Variants in PTPRD observed in about 807,000 individuals in gnomAD.
PTPRD encodes receptor-type tyrosine-protein phosphatase delta.
Under a neutral mutation model 214.5 loss-of-function variants are expected in PTPRD, and 34 were observed. The observed-to-expected ratio is 0.16, with a 90% CI of 0.12 to 0.21. The LOEUF is 0.21. Among genes scored for constraint, PTPRD ranks in the 10% least tolerant of loss-of-function variants. The probability of loss-of-function intolerance (pLI) is 1.00; values close to 1 mark genes in which losing one functional copy is unlikely to be tolerated. For missense variants in PTPRD, 2,545 were observed against 2,398.7 expected (o/e 1.06, Z -1.27); for synonymous variants, 1,128 against 845.7 (o/e 1.33, Z -5.79).
At chr9:10,525,421 A>C (rs2053940255) in intron 2 of PTPRD, among the ~76,000 whole-genome samples, 1 of 152,048 alleles carries the variant, frequency 6.6e-6, no homozygotes, top group Admixed American at 6.6e-5. Flanking sequence ...CAAGCCACCC[A>C]ATCATTATAT....
chr9:9,364,505 T>C (rs920871084), intron 9 of PTPRD, among the ~76,000 whole-genome samples: 15 of 151,416 alleles, frequency 9.9e-5, no homozygotes, highest in African/African-American at 3.1e-4. Flanking sequence ...AATTGTTGAA[T>C]GGTATGAGGC....
chr9:8,926,111 G>A (rs1048030059), intron 11 of PTPRD, among the ~76,000 whole-genome samples: 2 of 151,946 alleles, frequency 1.3e-5, no homozygotes, highest in African/African-American at 4.8e-5. Context: ...GCTTCTTGCA[G>A]GCCCTTAACA....
chr9:10,337,764 G>C (rs892053455), intron 3 of PTPRD, among the ~76,000 whole-genome samples: 1 of 151,634 alleles, frequency 6.6e-6, no homozygotes, highest in African/African-American at 2.4e-5. Flanking sequence ...TTTTACAGGT[G>C]CGGGAACTGA....
In PTPRD at chr9:9,456,749, T is replaced by C. The variant is rs2093061691; in HGVS notation, c.-236-59267A>G. On this transcript the variant is annotated intron_variant, in intron 8 of 45. Transcript: ENST00000381196. ...AAAATTAATAGGGTCATTTTATAGA[T>C]GGGGAGACTGAGAAATAAAGAGGTT... Among the ~76,000 whole-genome samples the C allele has an allele frequency of 2.0e-5, 3 of 151,880 alleles. No individual in the cohort carries two copies. In the South Asian group the frequency reaches 6.2e-4, roughly 31 times the overall value.
intron 8 of PTPRD, among the ~76,000 whole-genome samples, chr9:9,456,737 T>C (rs1330067146): frequency 6.6e-6 from 1 of 151,874 alleles, no homozygotes; most frequent in African/African-American, 2.4e-5. Context: ...ATTAATAGGG[T>C]CATTTTATAG....
At chr9:9,917,072 G>C (rs969802085) in intron 5 of PTPRD, among the ~76,000 whole-genome samples, 3 of 149,790 alleles carry the variant, frequency 2.0e-5, no homozygotes, top group African/African-American at 7.4e-5. Flanking sequence ...GTATTAAGAG[G>C]CAAGTATATA....
At chr9:9,904,268 A>AT (rs1235717600) in intron 5 of PTPRD, among the ~76,000 whole-genome samples, 1 of 152,082 alleles carries the variant, frequency 6.6e-6, no homozygotes, top group Non-Finnish European at 1.5e-5. Context: ...AGGAAGTCAG[A>AT]TGTTCGCTAA....
At chr9:10,247,408 C>G (rs1392841041) in intron 3 of PTPRD, among the ~76,000 whole-genome samples, 3 of 151,908 alleles carry the variant, frequency 2.0e-5, no homozygotes, top group Admixed American at 2.0e-4. Context: ...AAAATTAATC[C>G]CTAAACAATA....
intron 5 of PTPRD, among the ~76,000 whole-genome samples, chr9:9,921,017 A>T (rs1602200439): frequency 6.6e-6 from 1 of 152,076 alleles, no homozygotes; most frequent in Non-Finnish European, 1.5e-5. Flanking sequence ...TCAAGGCTCT[A>T]CCTTGCTTTC....
intron 33 of PTPRD, chr9:8,454,464 G>T (rs1423778039): frequency 1.0e-6 from 1 of 984,038 alleles, no homozygotes; most frequent in Non-Finnish European, 1.6e-6. Flanking sequence ...CATCTTCCAC[G>T]TGCCAGGTAT....
chr9:10,394,306 T>C (rs1447220831), intron 2 of PTPRD, among the ~76,000 whole-genome samples: 3 of 150,298 alleles, frequency 2.0e-5, no homozygotes, highest in South Asian at 2.1e-4. Context: ...CATACTTCTT[T>C]TGAAAACTTG....
At chr9:10,102,691 C>T (rs1210309170) in intron 3 of PTPRD, among the ~76,000 whole-genome samples, 3 of 151,504 alleles carry the variant, frequency 2.0e-5, no homozygotes, top group African/African-American at 7.3e-5. Context: ...GTAGCACTGT[C>T]TATCACTTTT....
rs1282278234 is a variant in PTPRD, at chr9:10,248,525, AAT to A, written c.-545+92436_-545+92437del. ...GGTACATATAGCAAAAAAAAAAAAA[AAT>A]AAAAAAAATAAAGCGAGAAACCAAA... On this transcript the variant is annotated intron_variant, in intron 3 of 45. Transcript: ENST00000381196. 2.5e-4 allele frequency among the ~76,000 whole-genome samples: 8 copies of A among 31,482 alleles called. 1 individual carries two copies. Among genetic ancestry groups the A allele is most frequent in the Non-Finnish European group, 5.5e-4 (4 of 7,232 alleles). 20.7% of individuals were successfully genotyped at this position (31,482 alleles called of 152,430 possible).
In PTPRD at chr9:9,972,605, A is replaced by G. The variant is rs537099821; in HGVS notation, c.-471-33995T>C. On this transcript the variant is annotated intron_variant, in intron 4 of 45. Transcript: ENST00000381196. ...AAATATAGTAGCTTGAAAGAACACA[A>G]ATTTGTTATTGTACAGTTTTGGAGG... Among the ~76,000 whole-genome samples, 7 of 152,266 alleles carry G rather than the reference A, an allele frequency of 4.6e-5. 1 individual carries two copies. Among genetic ancestry groups the G allele is most frequent in the African/African-American group, 9.6e-5 (4 of 41,558 alleles).
chr9:9,023,313 C>G (rs1325494648), intron 10 of PTPRD, among the ~76,000 whole-genome samples: 1 of 151,986 alleles, frequency 6.6e-6, no homozygotes, highest in East Asian at 1.9e-4. Context: ...TACTAAGGCC[C>G]AGAAATAAAT....
intron 7 of PTPRD, among the ~76,000 whole-genome samples, chr9:9,600,997 G>T (rs1318928986): frequency 1.3e-5 from 2 of 151,794 alleles, no homozygotes; most frequent in Non-Finnish European, 1.5e-5. Flanking sequence ...TTTTATTTGA[G>T]AAATGGCTCA....
At chr9:8,321,043 G>C (rs1292689514) in intron 44 of PTPRD, among the ~76,000 whole-genome samples, 1 of 152,082 alleles carries the variant, frequency 6.6e-6, no homozygotes, top group African/African-American at 2.4e-5. Context: ...AGTCTAAACA[G>C]AAATGTTAAG....
rs537527357 is a variant in PTPRD at position 10,398,202 on chromosome 9, G to C, written c.-599-57185C>G. 5.3e-5 allele frequency among the ~76,000 whole-genome samples: 8 copies of C among 151,580 alleles called. No homozygotes were observed. The East Asian group carries it at 1.6e-3, about 30-fold the overall frequency. On this transcript the variant is annotated intron_variant, in intron 2 of 45. Transcript: ENST00000381196. The stretch of plus-strand genomic sequence containing the variant: ...GAGACCAGCCTGGACAACACAGCGA[G>C]ACCCTGTCATTACAAATATTTAAAA...
chr9:8,726,318 G>A (rs562089202), intron 12 of PTPRD, among the ~76,000 whole-genome samples: 1 of 151,800 alleles, frequency 6.6e-6, no homozygotes, highest in Admixed American at 6.6e-5. Flanking sequence ...GCTGGGTGTG[G>A]TGGCTCACGA....
Sources: allele counts gnomAD v4.1 joint callset (sites outside exome capture counted in the v4.1 genomes callset), GRCh38; gene constraint gnomAD v4.1.1; transcripts MANE v1.5; gene names NCBI Gene and HGNC (gene_info 2026-07-23, HGNC 2026-07-21).